MIS12: variants seen among roughly 807,000 people sequenced by gnomAD.
The protein encoded by MIS12 is protein MIS12 homolog.
MIS12 carries 13 observed loss-of-function variants against 16.5 expected under a neutral mutation model. That is an observed-to-expected ratio of 0.79 (90% CI 0.51 to 1.25). The LOEUF (loss-of-function observed/expected upper bound fraction) is 1.25. Among genes scored for constraint, MIS12 ranks in the 50% most tolerant of loss-of-function variants. MIS12 has a pLI of 0.00. For synonymous variants in MIS12, 97 were observed against 87.3 expected, an observed-to-expected ratio of 1.11 and a Z score of -0.62; for missense variants, 199 against 239.5, an observed-to-expected ratio of 0.83 and a Z score of 1.12.
rs957220541 is a variant in MIS12 at position 5,488,846 on chromosome 17, T to A, written c.-17T>A. 6.3e-7 allele frequency: 1 copy of A among 1,595,324 alleles called. No homozygotes were observed. Among genetic ancestry groups the A allele is most frequent in the Admixed American group, 1.7e-5 (1 of 57,206 alleles). The stretch of plus-strand genomic sequence containing the variant: ...AGGTTTTTCACGACTGAAAACAACA[T>A]AGCAAAATAAGCCAAGATGTCTGTG... On this transcript the variant is annotated 5_prime_UTR_variant, in exon 3 of 3. Coordinates refer to ENST00000611091, the MANE Select transcript of MIS12 (RefSeq NM_001258217.2).
At position 5,489,340 on chromosome 17, in the gene MIS12, G is replaced by C; in HGVS notation, c.478G>C (p.Asp160His). The change falls in exon 3 of 3, where the codon GAT becomes CAT. Residue 160 changes from aspartate to histidine, a missense_variant. By Grantham distance (81) the Asp-to-His change is moderately conservative (BLOSUM62 -1). Transcript: ENST00000611091. ...AKLKQTLTFF[D>H]ELHNVGRDHG... ...ACTCAAACAGACGTTGACTTTCTTT[G>C]ATGAGCTTCATAATGTTGGCAGAGA... 6.2e-7 allele frequency: 1 copy of C among 1,614,060 alleles called. No individual in the cohort carries two copies. Among genetic ancestry groups the C allele is most frequent in the Non-Finnish European group, 8.5e-7 (1 of 1,180,038 alleles).
At chr17:5,488,675 G>C in intron 2 of MIS12, 86 bp downstream of exon 2, 1 of 614,942 alleles carries the variant, frequency 1.6e-6, no homozygotes, top group Non-Finnish European at 2.7e-6. Flanking sequence ...TTTATATCCT[G>C]TTGTGGGAGT....
At position 5,489,738 on chromosome 17, in the gene MIS12, C is replaced by G. The variant is rs947065901; in HGVS notation, c.*258C>G. On this transcript the variant is annotated 3_prime_UTR_variant, in exon 3 of 3. Transcript: ENST00000611091. ...AGTGGGAAGGGATCCAACAAAGAAG[C>G]CATGACCAGTTAAAGATATTTGCAG... The G allele has an allele frequency of 1.9e-5, 7 of 378,166 alleles. No individual in the cohort carries two copies. Among genetic ancestry groups the G allele is most frequent in the Non-Finnish European group, 3.4e-5 (7 of 204,578 alleles). 23.4% of individuals were successfully genotyped at this position (378,166 alleles called of 1,614,324 possible).
At chr17:5,488,780 A>ATTTTTTTTTTTTTTTTTTTTTTTTTTTTT in intron 2 of MIS12, 43 bp from the exon 3 acceptor site, 1 of 1,376,044 alleles carries the variant, frequency 7.3e-7, no homozygotes. Context: ...CCTGCAGAAG[A>ATTTTTTTTTTTTTTTTTTTTTTTTTTTTT]TTTTTTTTTT....
chr17:5,488,484 G>A lies in MIS12; in HGVS notation c.-146G>A. 2 of 181,794 alleles carry A rather than the reference G, an allele frequency of 1.1e-5. No individual in the cohort carries two copies. Among genetic ancestry groups the A allele is most frequent in the Admixed American group, 5.5e-5 (1 of 18,174 alleles). The allele number at this position is 181,794 out of a possible 1,614,324, so 11.3% of individuals were successfully genotyped here. A position where few individuals can be genotyped will look rare whatever the true frequency, so the allele number is the denominator to read the frequency against. The stretch of plus-strand genomic sequence containing the variant: ...CTAAAAGGTGGAGCTATAGGTCATT[G>A]AAGCTCAAGAAACTGAGTCTCTAGG... On this transcript the variant is annotated 5_prime_UTR_variant, in exon 2 of 3. Transcript: ENST00000611091.
At position 5,488,972 on chromosome 17, in the gene MIS12, A is replaced by G. The variant is rs767786001; in HGVS notation, c.110A>G (p.Gln37Arg). ...CAAGACTACCTATTTGAAGTGATGCAGGCCGTTGAACAGGTTATTCTGAAG... is the reference window on the plus strand; with the variant it reads ...CAAGACTACCTATTTGAAGTGATGCGGGCCGTTGAACAGGTTATTCTGAAG... Reference protein sequence around the residue: ...AFQDYLFEVMQAVEQVILKKL... With the variant: ...AFQDYLFEVMRAVEQVILKKL... Residue 37 changes from glutamine to arginine, a missense_variant, in exon 3 of 3, where the codon CAG becomes CGG. Physicochemically the swap from Gln to Arg is conservative, Grantham distance 43. Coordinates refer to ENST00000611091, the MANE Select transcript of MIS12 (RefSeq NM_001258217.2). The G allele has an allele frequency of 1.2e-6, 2 of 1,614,240 alleles. No individual in the cohort carries two copies. Among genetic ancestry groups the G allele is most frequent in the Admixed American group, 3.3e-5 (2 of 60,030 alleles).
Position 5,488,877 on chromosome 17 carries a change from A to T in MIS12, c.15A>T (p.Pro5=). The T allele has an allele frequency of 6.2e-7, 1 of 1,612,316 alleles. No homozygotes were observed. The highest frequency in any genetic ancestry group is 8.5e-7 in the Non-Finnish European group (1 of 1,178,510). The change falls in exon 3 of 3, where the codon CCA becomes CCT. Residue 5 remains proline (P), a synonymous_variant. Transcript: ENST00000611091. ...AATAAGCCAAGATGTCTGTGGATCC[A>T]ATGACCTACGAGGCCCAGTTCTTTG... MSVD[P]MTYEAQFFGF... is the part of the protein sequence containing the mutation.
In MIS12 at chr17:5,486,580, T is replaced by A; in HGVS notation, c.-539T>A. 6.4e-6 allele frequency: 1 copy of A among 156,826 alleles called. No homozygotes were observed. 9.7% of individuals were successfully genotyped at this position (156,826 alleles called of 1,614,324 possible). On this transcript the variant is annotated 5_prime_UTR_variant, in exon 1 of 3. Coordinates refer to ENST00000611091, the MANE Select transcript of MIS12 (RefSeq NM_001258217.2). ...CCGAGGCGCGTATCAGTCGGAATTT[T>A]GGGGAGCCAACCGCGCCGTCTGTCC...
Position 5,490,445 on chromosome 17 carries a change from A to G in MIS12, c.*965A>G, listed in dbSNP as rs1460164286. The G allele has an allele frequency of 6.1e-6, 1 of 162,608 alleles. No homozygotes were observed. Among genetic ancestry groups the G allele is most frequent in the African/African-American group, 2.6e-5 (1 of 38,392 alleles). 10.1% of individuals were successfully genotyped at this position (162,608 alleles called of 1,614,324 possible). A position where few individuals can be genotyped will look rare whatever the true frequency, so the allele number is the denominator to read the frequency against. Reference sequence around the variant, plus strand: ...TTTTCATACTTCAGTTGGTTTTGGAATCTGCCTTATACCTAATATTTATTT... The same window carrying G: ...TTTTCATACTTCAGTTGGTTTTGGAGTCTGCCTTATACCTAATATTTATTT... On this transcript the variant is annotated 3_prime_UTR_variant, in exon 3 of 3. Transcript: ENST00000611091.
rs1435584707 is a variant in MIS12 at position 5,490,095 on chromosome 17, C to G, written c.*615C>G. 6.0e-6 allele frequency: 1 copy of G among 166,998 alleles called. No individual in the cohort carries two copies. Among genetic ancestry groups the G allele is most frequent in the African/African-American group, 2.4e-5 (1 of 41,400 alleles). The allele number at this position is 166,998 out of a possible 1,614,324, so 10.3% of individuals were successfully genotyped here. ...CCAGGCTGAGTGGCTCTTTTATTAA[C>G]CAGTCATTACACTGCGGAACAGCCA... On this transcript the variant is annotated 3_prime_UTR_variant, in exon 3 of 3. Coordinates refer to ENST00000611091, the MANE Select transcript of MIS12 (RefSeq NM_001258217.2).
Position 5,489,449 on chromosome 17 carries a change from A to G in MIS12, c.587A>G (p.Glu196Gly). Reference sequence around the variant, plus strand: ...CTACAGAACATTAGAGACAATGTGGAAAAGGAATCGAAACGACTGAAAATA... The same window carrying G: ...CTACAGAACATTAGAGACAATGTGGGAAAGGAATCGAAACGACTGAAAATA... ...RKLQNIRDNVEKESKRLKIS is the reference protein window; with the variant it reads ...RKLQNIRDNVGKESKRLKIS Residue 196 changes from glutamate to glycine, a missense_variant, in exon 3 of 3, where the codon GAA becomes GGA. Transcript: ENST00000611091. The G allele has an allele frequency of 3.8e-6, 6 of 1,590,946 alleles. No homozygotes were observed. The highest frequency in any genetic ancestry group is 4.3e-6 in the Non-Finnish European group (5 of 1,173,754).
rs546454125 is a variant in MIS12, at chr17:5,488,803, T to C, written c.-40-20T>C. On this transcript the variant is annotated intron_variant, in intron 2 of 2. Coordinates refer to ENST00000611091, the MANE Select transcript of MIS12 (RefSeq NM_001258217.2). ...AGATTTTTTTTTTCCAAATGAATTA[T>C]TTCCTTTTTACATTTGCAGGTTTTT... The C allele has an allele frequency of 7.2e-6, 11 of 1,538,062 alleles. No individual in the cohort carries two copies. Among genetic ancestry groups the C allele is most frequent in the Non-Finnish European group, 9.6e-6 (11 of 1,142,042 alleles).
In MIS12 at chr17:5,488,608, G is replaced by C. The variant is rs990222118; in HGVS notation, c.-41+19G>C. The C allele has an allele frequency of 9.5e-6, 4 of 423,188 alleles. No homozygotes were observed. Among genetic ancestry groups the C allele is most frequent in the Non-Finnish European group, 8.5e-6 (2 of 234,132 alleles). 26.2% of individuals were successfully genotyped at this position (423,188 alleles called of 1,614,324 possible). A position where few individuals can be genotyped will look rare whatever the true frequency, so the allele number is the denominator to read the frequency against. On this transcript the variant is annotated intron_variant, in intron 2 of 2. Coordinates refer to ENST00000611091, the MANE Select transcript of MIS12 (RefSeq NM_001258217.2). ...GTCACAGGTAAGGGAAGTGAACAACGAGGAGGGGAAAAGGGAGGGTATAGG... is the reference window on the plus strand; with the variant it reads ...GTCACAGGTAAGGGAAGTGAACAACCAGGAGGGGAAAAGGGAGGGTATAGG...
intron 1 of MIS12, 46 bp downstream of exon 1, chr17:5,486,730 G>C (rs1906355087): frequency 6.6e-6 from 1 of 152,602 alleles, no homozygotes; most frequent in South Asian, 2.0e-4. Flanking sequence ...AGCGGGGACG[G>C]GCGAGACTGG....
Position 5,489,674 on chromosome 17 carries a change from C to CTA in MIS12, c.*195_*196dup. 1 of 560,110 alleles carries CTA rather than the reference C, an allele frequency of 1.8e-6. No homozygotes were observed. The highest frequency in any genetic ancestry group is 3.1e-6 in the Non-Finnish European group (1 of 327,368). The allele number at this position is 560,110 out of a possible 1,614,324, so 34.7% of individuals were successfully genotyped here. ...CCACTTTGCTGAGGTATGAAGTGTA[C>CTA]TACTTTGAACTAGGCTGAAGCATCT... On this transcript the variant is annotated 3_prime_UTR_variant, in exon 3 of 3. Transcript: ENST00000611091.
chr17:5,489,682 A>G lies in MIS12; in HGVS notation c.*202A>G. 1.9e-6 allele frequency: 1 copy of G among 526,876 alleles called. No homozygotes were observed. Among genetic ancestry groups the G allele is most frequent in the Middle Eastern group, 5.0e-4 (1 of 1,990 alleles). The allele number at this position is 526,876 out of a possible 1,614,324, so 32.6% of individuals were successfully genotyped here. Reference sequence around the variant, plus strand: ...CTGAGGTATGAAGTGTACTACTTTGAACTAGGCTGAAGCATCTGAGTCTTC... The same window carrying G: ...CTGAGGTATGAAGTGTACTACTTTGGACTAGGCTGAAGCATCTGAGTCTTC... On this transcript the variant is annotated 3_prime_UTR_variant, in exon 3 of 3. Coordinates refer to ENST00000611091, the MANE Select transcript of MIS12 (RefSeq NM_001258217.2).
chr17:5,489,069 C>T lies in MIS12; in HGVS notation c.207C>T (p.Cys69=), dbSNP rs1250895995. 2.5e-6 allele frequency: 4 copies of T among 1,614,094 alleles called. No homozygotes were observed. In the African/African-American group the frequency reaches 4.0e-5, roughly 16 times the overall value. Residue 69 remains cysteine, a synonymous_variant, in exon 3 of 3, where the codon TGC becomes TGT. Coordinates refer to ENST00000611091, the MANE Select transcript of MIS12 (RefSeq NM_001258217.2). ...GCAAATGCACAGAGAAGTTTCTTTG[C>T]TTCATGAAAGGACATTTTGATAACC... ...QIRKCTEKFL[C]FMKGHFDNLF...
Position 5,489,487 on chromosome 17 carries a change from A to G in MIS12, c.*7A>G. 1.3e-6 allele frequency: 2 copies of G among 1,571,046 alleles called. No individual in the cohort carries two copies. Among genetic ancestry groups the G allele is most frequent in the Non-Finnish European group, 1.7e-6 (2 of 1,164,100 alleles). Reference sequence around the variant, plus strand: ...ACGACTGAAAATATCTTAATTGCTCAGTAGTCAAAAGGAGGAGCCTGTCAA... The same window carrying G: ...ACGACTGAAAATATCTTAATTGCTCGGTAGTCAAAAGGAGGAGCCTGTCAA... On this transcript the variant is annotated 3_prime_UTR_variant, in exon 3 of 3. Coordinates refer to ENST00000611091, the MANE Select transcript of MIS12 (RefSeq NM_001258217.2).
chr17:5,489,195 G>A lies in MIS12; in HGVS notation c.333G>A (p.Glu111=), dbSNP rs773868544. Residue 111 remains glutamate (E), a synonymous_variant, in exon 3 of 3, where the codon GAG becomes GAA. Coordinates refer to ENST00000611091, the MANE Select transcript of MIS12 (RefSeq NM_001258217.2). ...AATGTAAGGAGACACCTTATAGTGAGGAAGATTTTCAGCATCTCCAGAAAG... is the reference window on the plus strand; with the variant it reads ...AATGTAAGGAGACACCTTATAGTGAAGAAGATTTTCAGCATCTCCAGAAAG... ...EDKCKETPYS[E]EDFQHLQKEI... The A allele has an allele frequency of 1.2e-6, 2 of 1,614,176 alleles. No individual in the cohort carries two copies. The highest frequency in any genetic ancestry group is 1.1e-5 in the South Asian group (1 of 91,086).
Sources: gnomAD v4.1 joint callset for allele counts on GRCh38, gnomAD v4.1.1 for gene constraint, MANE v1.5 for transcripts, NCBI Gene and HGNC (gene_info 2026-07-23, HGNC 2026-07-21) for gene names.